The following PTPDC1 variants were observed in gnomAD, a reference collection of about 807,000 sequenced individuals.
PTPDC1 encodes the protein protein tyrosine phosphatase domain-containing protein 1.
In PTPDC1, 53 loss-of-function variants were observed where a neutral mutation model predicts 75.3. That is an observed-to-expected ratio of 0.70 (90% CI 0.56 to 0.88). PTPDC1 has a LOEUF of 0.88. PTPDC1 is among the 40% of genes least tolerant of loss of function. The pLI is 0.00. For missense variants in PTPDC1, 925 were observed against 998.6 expected (o/e 0.93, Z 0.99); for synonymous variants, 349 against 366.2 (o/e 0.95, Z 0.54).
At chr9:94,047,839 A>G (rs1354356258) in intron 1 of PTPDC1, among the ~76,000 whole-genome samples, 2 of 152,216 alleles carry the variant, frequency 1.3e-5, no homozygotes, top group Non-Finnish European at 2.9e-5. Flanking sequence ...AAATTCCTCA[A>G]CACATACATC....
chr9:94,047,769 A>G (rs538564455), intron 1 of PTPDC1, among the ~76,000 whole-genome samples: 2 of 152,338 alleles, frequency 1.3e-5, no homozygotes, highest in East Asian at 3.9e-4. Flanking sequence ...ACAAACTACC[A>G]TCAGAGAATA....
chr9:94,083,177 T>A (rs984013909), upstream of PTPDC1, among the ~76,000 whole-genome samples: 4 of 152,208 alleles, frequency 2.6e-5, no homozygotes, highest in Non-Finnish European at 5.9e-5. Context: ...AAGTTCATGT[T>A]CTTGTCATGC....
At chr9:94,041,898 T>C (rs1825436241) in intron 1 of PTPDC1, among the ~76,000 whole-genome samples, 1 of 152,234 alleles carries the variant, frequency 6.6e-6, no homozygotes. Flanking sequence ...TGGAGTGTCA[T>C]TGCTTTTAGG....
chr9:94,084,560 C>T lies in PTPDC1; in HGVS notation c.30C>T (p.Pro10=). The part of the protein sequence containing the change: MQVQDATRR[P]SAVRFLSSFL... The stretch of plus-strand genomic sequence containing the variant: ...AGGTGCAGGATGCAACCAGGCGGCC[C>T]TCAGCCGTGCGCTTCCTCAGCTCCT... The change falls in exon 1 of 9, where the codon CCC becomes CCT. Residue 10 remains proline, a synonymous_variant. Coordinates refer to ENST00000620992, the MANE Select transcript of PTPDC1 (RefSeq NM_001253829.2). 6.2e-7 allele frequency: 1 copy of T among 1,613,006 alleles called. No individual in the cohort carries two copies. The highest frequency in any genetic ancestry group is 8.5e-7 in the Non-Finnish European group (1 of 1,180,014).
chr9:94,076,950 T>C (rs567050423), intron 2 of PTPDC1, among the ~76,000 whole-genome samples: 1 of 152,356 alleles, frequency 6.6e-6, no homozygotes, highest in Admixed American at 6.5e-5. Context: ...GAGCATCTTT[T>C]CATGTATTTA....
intron 1 of PTPDC1, among the ~76,000 whole-genome samples, chr9:94,062,369 C>T (rs1421728798): frequency 6.6e-6 from 1 of 152,236 alleles, no homozygotes; most frequent in Non-Finnish European, 1.5e-5. Flanking sequence ...AATTTTCCCT[C>T]ATCTTCCAGT....
intron 1 of PTPDC1, among the ~76,000 whole-genome samples, chr9:94,055,472 A>C (rs535174051): frequency 6.6e-6 from 1 of 152,326 alleles, no homozygotes; most frequent in African/African-American, 2.4e-5. Context: ...TGAGTGGATA[A>C]ATAAACTGTG....
chr9:94,097,428 C>A lies in PTPDC1; in HGVS notation c.862C>A (p.Leu288Ile). 1 of 1,613,610 alleles carries A rather than the reference C, an allele frequency of 6.2e-7. No homozygotes were observed. Among genetic ancestry groups the A allele is most frequent in the East Asian group, 2.2e-5 (1 of 44,870 alleles). The change falls in exon 6 of 9, where the codon CTC (leucine) becomes ATC (isoleucine). Residue 288 changes from leucine (L) to isoleucine (I), a missense_variant. Leu to Ile is a conservative substitution (Grantham distance 5). Transcript: ENST00000620992. ...RPNSIQTRGQ[L>I]LCVREFTQFL... ...CAATTCCATACAAACCAGAGGACAG[C>A]TCCTCTGTGTAAGGGAATTTACTCA...
intron 6 of PTPDC1, 187 bp downstream of exon 6, chr9:94,098,766 T>A (rs1265992551): frequency 6.5e-6 from 4 of 615,396 alleles, no homozygotes; most frequent in Non-Finnish European, 1.1e-5. Flanking sequence ...AGGGTGTTTG[T>A]ATGGTTTCAT....
chr9:94,084,730 G>C lies in PTPDC1; in HGVS notation c.200G>C (p.Ser67Thr). The C allele has an allele frequency of 6.2e-7, 1 of 1,605,638 alleles. No individual in the cohort carries two copies. Among genetic ancestry groups the C allele is most frequent in the South Asian group, 1.1e-5 (1 of 89,672 alleles). The change falls in exon 1 of 9, where the codon AGC (serine) becomes ACC (threonine). Residue 67 changes from serine to threonine, a missense_variant. Ser to Thr is a moderately conservative substitution (Grantham distance 58). Coordinates refer to ENST00000620992, the MANE Select transcript of PTPDC1 (RefSeq NM_001253829.2). ...LQVMVAVSSV[S>T]HAEGNPTFPE... is the part of the protein sequence containing the mutation. ...GTGATGGTGGCTGTTTCCTCAGTCA[G>C]CCATGCAGAGGGAAACCCAACTTTC...
rs1828124876 is a variant in PTPDC1 at position 94,109,426 on chromosome 9, C to G, written c.*1482C>G. On this transcript the variant is annotated 3_prime_UTR_variant, in exon 9 of 9. Transcript: ENST00000620992. ...GTCTCATTAACTGAAATGCCAAATG[C>G]TAAATGCAGTGTTCTTTCACACTGT... 6.6e-6 allele frequency: 1 copy of G among 152,144 alleles called. No homozygotes were observed. Among genetic ancestry groups the G allele is most frequent in the Non-Finnish European group, 1.5e-5 (1 of 68,026 alleles). The allele number at this position is 152,144 out of a possible 1,614,324, so 9.4% of individuals were successfully genotyped here.
intron 1 of PTPDC1, among the ~76,000 whole-genome samples, chr9:94,035,976 G>GA (rs911279306): frequency 2.0e-5 from 3 of 149,332 alleles, no homozygotes; most frequent in African/African-American, 7.4e-5. Context: ...GTCTTATTTG[G>GA]AAAAATGTCT....
chr9:94,097,332 G>T lies in PTPDC1; in HGVS notation c.766G>T (p.Ala256Ser). The change falls in exon 6 of 9, where the codon GCC (alanine) becomes TCC (serine). Residue 256 changes from alanine to serine, a missense_variant. Transcript: ENST00000620992. ...AGLGRTGVLI[A>S]CYLVFATRMT... ...TCTTCACTGTTTAGGTGTTTTAATA[G>T]CCTGTTACTTAGTTTTTGCAACGAG... The T allele has an allele frequency of 1.2e-6, 2 of 1,604,244 alleles. No individual in the cohort carries two copies. The highest frequency in any genetic ancestry group is 1.7e-6 in the Non-Finnish European group (2 of 1,173,780).
intron 1 of PTPDC1, among the ~76,000 whole-genome samples, chr9:94,044,659 A>T (rs1825532479): frequency 6.6e-6 from 1 of 151,874 alleles, no homozygotes; most frequent in African/African-American, 2.4e-5. Context: ...ATGGACAACC[A>T]TGAAAGACAA....
At chr9:94,062,665 T>C (rs1361765020) in intron 1 of PTPDC1, among the ~76,000 whole-genome samples, 3 of 152,028 alleles carry the variant, frequency 2.0e-5, no homozygotes, top group Non-Finnish European at 4.4e-5. Flanking sequence ...CAACCAGATA[T>C]CATGAGAACT....
At chr9:94,036,035 G>GTTTTTTTTTTTTT (rs563126003) in intron 1 of PTPDC1, among the ~76,000 whole-genome samples, 1 of 118,666 alleles carries the variant, frequency 8.4e-6, no homozygotes, top group African/African-American at 3.1e-5. Flanking sequence ...TTTTTTTTTT[G>GTTTTTTTTTTTTT]TTTTTTTTTT....
chr9:94,081,201 G>T (rs1826872426), upstream of PTPDC1, among the ~76,000 whole-genome samples: 1 of 152,044 alleles, frequency 6.6e-6, no homozygotes, highest in Non-Finnish European at 1.5e-5. Flanking sequence ...TGTTGGCCAG[G>T]TGGGTTTCTA....
In PTPDC1 at chr9:94,088,232, A is replaced by C; in HGVS notation, c.585A>C (p.Thr195=). The part of the protein sequence containing the change: ...GNPLEQESGF[T]YLPEAFMEAG... ...CTCTGGAACAAGAAAGTGGCTTCAC[A>C]TACCTTCCTGAGGCTTTCATGGAGG... The change falls in exon 4 of 9, where the codon ACA becomes ACC. Residue 195 remains threonine, a synonymous_variant. Transcript: ENST00000620992. 6.2e-7 allele frequency: 1 copy of C among 1,614,050 alleles called. No individual in the cohort carries two copies.
chr9:94,038,180 G>T, intron 1 of PTPDC1: 2 of 702,270 alleles, frequency 2.8e-6, no homozygotes, highest in Non-Finnish European at 2.6e-6. Flanking sequence ...CTCTTACACA[G>T]ACGCCAATAA....
Sources: allele counts gnomAD v4.1 joint callset (sites outside exome capture counted in the v4.1 genomes callset), GRCh38; gene constraint gnomAD v4.1.1; transcripts MANE v1.5; gene names NCBI Gene and HGNC (gene_info 2026-07-23, HGNC 2026-07-21).